Variants in IGF2 observed in about 807,000 individuals in gnomAD.
The protein encoded by IGF2 is insulin-like growth factor 2.
Under a neutral mutation model 12.0 loss-of-function variants are expected in IGF2, and 2 were observed. The ratio of observed to expected loss-of-function variants is 0.17; its 90% CI spans 0.07 to 0.52. The LOEUF is 0.52. IGF2 is among the 20% of genes least tolerant of loss of function. The probability of loss-of-function intolerance (pLI) is 0.95; values close to 1 mark genes in which losing one functional copy is unlikely to be tolerated. For synonymous variants in IGF2, 105 were observed against 110.1 expected (o/e 0.95, Z 0.29); for missense variants, 211 against 268.0 (o/e 0.79, Z 1.48).
At chr11:2,135,254 A>G (rs1858921447) in intron 2 of IGF2, 113 bp downstream of exon 2, 1 of 974,472 alleles carries the variant, frequency 1.0e-6, no homozygotes, top group Non-Finnish European at 1.5e-6. Context: ...GTCTCAGAGC[A>G]AGCGGCTGGG....
chr11:2,138,095 C>A (rs979753934), intron 1 of IGF2, 134 bp downstream of exon 1: 3 of 375,770 alleles, frequency 8.0e-6, no homozygotes, highest in Non-Finnish European at 1.1e-5. Context: ...TCCTCCTCCT[C>A]CCCCCCGGGC....
chr11:2,130,587 AC>A lies in IGF2; in HGVS notation c.*2399del, dbSNP rs370546130. 1,296 of 189,694 alleles carry A rather than the reference AC, an allele frequency of 6.8e-3. 9 individuals carry two copies. Among genetic ancestry groups the A allele is most frequent in the African/African-American group, 0.034 (1,112 of 32,610 alleles). The allele number at this position is 189,694 out of a possible 1,614,324, so 11.8% of individuals were successfully genotyped here. A position where few individuals can be genotyped will look rare whatever the true frequency, so the allele number is the denominator to read the frequency against. The stretch of plus-strand genomic sequence containing the variant: ...AAAGCTAAGGAGGGGTAAAAAAAAA[AC>A]AAAAAAAAAAAAAAAAGGAAAAATG... On this transcript the variant is annotated 3_prime_UTR_variant, in exon 4 of 4. Coordinates refer to ENST00000416167, the MANE Select transcript of IGF2 (RefSeq NM_000612.6).
chr11:2,148,852 A>G, the IGF2 span: 2 of 496,138 alleles, frequency 4.0e-6, no homozygotes, highest in Non-Finnish European at 3.6e-6. The surrounding 1 kb of genome is among the most constrained non-coding windows in gnomAD (Gnocchi z 4.3). Flanking sequence ...TGCTTGGTGA[A>G]TTAGTCAAGG....
At chr11:2,146,103 C>T, upstream of IGF2, 1 of 435,596 alleles carries the variant, frequency 2.3e-6, no homozygotes, top group Middle Eastern at 6.1e-4. Context: ...ACCCACATTC[C>T]ACAGAGGATG....
rs577101756 is a variant in IGF2 at position 2,133,694 on chromosome 11, G to C, written c.158-29C>G. 1.2e-6 allele frequency: 2 copies of C among 1,611,098 alleles called. No individual in the cohort carries two copies. The highest frequency in any genetic ancestry group is 1.7e-6 in the Non-Finnish European group (2 of 1,179,360). ...GAAGTCCCACAGCACAGAGAGAGCC[G>C]TGTTAGCACCGCACTGACCCCAGCC... On this transcript the variant is annotated intron_variant, in intron 2 of 3. Transcript: ENST00000416167. The surrounding 1 kb of genome is among the most constrained non-coding windows in gnomAD (Gnocchi z 8.9).
chr11:2,147,842 CT>C, the IGF2 span: 3 of 1,231,260 alleles, frequency 2.4e-6, no homozygotes, highest in African/African-American at 4.7e-5. The surrounding 1 kb of genome is among the most constrained non-coding windows in gnomAD (Gnocchi z 7.2). Context: ...CTGAGATGAC[CT>C]CTTTTAAAAG....
chr11:2,139,040 G>T lies in IGF2; in HGVS notation c.-818C>A, dbSNP rs1438559282. The T allele has an allele frequency of 4.8e-6, 4 of 838,026 alleles. No homozygotes were observed. Among genetic ancestry groups the T allele is most frequent in the Non-Finnish European group, 5.7e-6 (4 of 702,576 alleles). 51.9% of individuals were successfully genotyped at this position (838,026 alleles called of 1,614,324 possible). A position where few individuals can be genotyped will look rare whatever the true frequency, so the allele number is the denominator to read the frequency against. On this transcript the variant is annotated 5_prime_UTR_variant, in exon 1 of 4. Coordinates refer to ENST00000416167, the MANE Select transcript of IGF2 (RefSeq NM_000612.6). ...GGGAGCGGCCCGAGGCTGCGCGCCG[G>T]GGGGAGGGCTGGAGGGGGAGCGCGG...
At position 2,130,012 on chromosome 11, in the gene IGF2, C is replaced by G. The variant is rs886215317; in HGVS notation, c.*2975G>C. On this transcript the variant is annotated 3_prime_UTR_variant, in exon 4 of 4. Coordinates refer to ENST00000416167, the MANE Select transcript of IGF2 (RefSeq NM_000612.6). ...CCCCGGCCTCACCCCACCTTGCCCCCAAGAGGTCCCACAGAGCTTCGGACC... is the reference window on the plus strand; with the variant it reads ...CCCCGGCCTCACCCCACCTTGCCCCGAAGAGGTCCCACAGAGCTTCGGACC... 6 of 230,464 alleles carry G rather than the reference C, an allele frequency of 2.6e-5. No homozygotes were observed. Among genetic ancestry groups the G allele is most frequent in the African/African-American group, 1.3e-4 (6 of 45,146 alleles). The allele number at this position is 230,464 out of a possible 1,614,324, so 14.3% of individuals were successfully genotyped here. A position where few individuals can be genotyped will look rare whatever the true frequency, so the allele number is the denominator to read the frequency against.
At chr11:2,140,615 C>A (rs760319595), upstream of IGF2, 1 of 522,710 alleles carries the variant, frequency 1.9e-6, no homozygotes, top group Non-Finnish European at 3.6e-6. Context: ...GACCCTCCAG[C>A]CGCTTTCCCC....
At chr11:2,147,999 G>A in the IGF2 span, 4 of 404,562 alleles carry the variant, frequency 9.9e-6, no homozygotes, top group African/African-American at 6.2e-5. The surrounding 1 kb of genome is among the most constrained non-coding windows in gnomAD (Gnocchi z 7.2). Context: ...CAAAGTATAA[G>A]GGAGGGAAGA....
At chr11:2,134,752 C>G (rs1272688567) in intron 2 of IGF2, among the ~76,000 whole-genome samples, 1 of 152,080 alleles carries the variant, frequency 6.6e-6, no homozygotes, top group East Asian at 1.9e-4. Context: ...GGGCCATGCA[C>G]CCACCTGCCA....
At chr11:2,139,615 G>A (rs1859412565), upstream of IGF2, among the ~76,000 whole-genome samples, 1 of 148,392 alleles carries the variant, frequency 6.7e-6, no homozygotes. Flanking sequence ...GGGGGTGCGC[G>A]GGGGCGAGGC....
At chr11:2,146,424 C>T in the IGF2 span, 6 of 533,336 alleles carry the variant, frequency 1.1e-5, no homozygotes, top group Middle Eastern at 6.8e-4. Flanking sequence ...TCGCTGGCGT[C>T]AGCCCGGCCG....
chr11:2,146,583 G>T, the IGF2 span: 1 of 361,324 alleles, frequency 2.8e-6, no homozygotes, highest in Non-Finnish European at 5.5e-6. Context: ...CCTGGGAGAG[G>T]GGTTCAGACG....
rs777851365 is a variant in IGF2, at chr11:2,129,390, C to T, written c.*3597G>A. 6.1e-5 allele frequency: 14 copies of T among 228,764 alleles called. No homozygotes were observed. Among genetic ancestry groups the T allele is most frequent in the Admixed American group, 4.5e-4 (8 of 17,628 alleles). 14.2% of individuals were successfully genotyped at this position (228,764 alleles called of 1,614,324 possible). ...CAAGATGGAGAGCCACGACTAGGCA[C>T]GGAGGTCAGACAGGCAGCCCGGGCC... On this transcript the variant is annotated 3_prime_UTR_variant, in exon 4 of 4. Coordinates refer to ENST00000416167, the MANE Select transcript of IGF2 (RefSeq NM_000612.6). The surrounding 1 kb of genome is among the most constrained non-coding windows in gnomAD (Gnocchi z 8.1).
chr11:2,137,704 G>C (rs147842989), intron 1 of IGF2, among the ~76,000 whole-genome samples: 1,580 of 152,282 alleles, frequency 0.01, 28 homozygotes, highest in Non-Finnish European at 0.012. Flanking sequence ...AGAGCCAGAG[G>C]GGGTGTGGGG....
At chr11:2,137,710 T>A (rs1334206968) in intron 1 of IGF2, among the ~76,000 whole-genome samples, 1 of 152,048 alleles carries the variant, frequency 6.6e-6, no homozygotes, top group Non-Finnish European at 1.5e-5. Context: ...AGAGGGGGTG[T>A]GGGGGAGATG....
At chr11:2,148,875 C>T in the IGF2 span, 1 of 549,440 alleles carries the variant, frequency 1.8e-6, no homozygotes, top group South Asian at 2.4e-5. The surrounding 1 kb of genome is among the most constrained non-coding windows in gnomAD (Gnocchi z 4.3). Flanking sequence ...AACCTATTTT[C>T]CTTGCAAAAG....
rs1262978624 is a variant in IGF2 at position 2,130,473 on chromosome 11, T to A, written c.*2514A>T. ...ATAAATGGCGGGGGGCAGGACGTGG[T>A]GGTCTCCAGGCTGGCTTCGTGCGTT... On this transcript the variant is annotated 3_prime_UTR_variant, in exon 4 of 4. Transcript: ENST00000416167. 1 of 218,894 alleles carries A rather than the reference T, an allele frequency of 4.6e-6. No homozygotes were observed. The highest frequency in any genetic ancestry group is 5.9e-5 in the Admixed American group (1 of 17,044). 13.6% of individuals were successfully genotyped at this position (218,894 alleles called of 1,614,324 possible).
Sources: gnomAD v4.1 joint callset for allele counts (sites outside exome capture counted in the v4.1 genomes callset) on GRCh38, gnomAD v4.1.1 for gene constraint, Gnocchi (gnomAD v3.1) non-coding constraint, MANE v1.5 for transcripts, NCBI Gene and HGNC (gene_info 2026-07-23, HGNC 2026-07-21) for gene names.